The following NCKAP5 variants were observed in gnomAD, a reference collection of about 807,000 sequenced individuals.
NCKAP5 encodes the protein NCK associated protein 5.
A neutral mutation model predicts 167.0 loss-of-function variants in NCKAP5; 92 were observed. The observed-to-expected ratio is 0.55, with a 90% CI of 0.47 to 0.66. The LOEUF (loss-of-function observed/expected upper bound fraction) is 0.66, where lower values mean the gene tolerates loss of function less well. NCKAP5 is among the 30% of genes least tolerant of loss of function. The pLI is 0.00. For missense variants in NCKAP5, 2,378 were observed against 2,315.0 expected, an observed-to-expected ratio of 1.03 and a Z score of -0.56; for synonymous variants, 891 against 877.4, an observed-to-expected ratio of 1.02 and a Z score of -0.27.
chr2:133,195,022 T>A (rs2085378743), intron 5 of NCKAP5, among the ~76,000 whole-genome samples: 1 of 152,170 alleles, frequency 6.6e-6, no homozygotes, highest in South Asian at 2.1e-4. Context: ...TATAAGATGC[T>A]GAGTTTCTCC....
At chr2:133,115,240 G>A (rs985463073) in intron 6 of NCKAP5, among the ~76,000 whole-genome samples, 5 of 152,160 alleles carry the variant, frequency 3.3e-5, no homozygotes, top group Admixed American at 1.3e-4. Context: ...AGCTGTTTTT[G>A]ATTGGTGGAA....
intron 19 of NCKAP5, among the ~76,000 whole-genome samples, chr2:132,694,369 G>A (rs771712943): frequency 9.9e-5 from 15 of 152,218 alleles, no homozygotes; most frequent in East Asian, 3.9e-4. Flanking sequence ...ACATCAGCAC[G>A]CCTGCTGTGC....
At chr2:133,567,241 A>C (rs1188961900) in intron 1 of NCKAP5, among the ~76,000 whole-genome samples, 1 of 152,234 alleles carries the variant, frequency 6.6e-6, no homozygotes, top group Non-Finnish European at 1.5e-5. Context: ...ACTGAGGAGC[A>C]GAGCTGGTAG....
In NCKAP5 at chr2:132,737,497, G is replaced by T. The variant is rs559617262; in HGVS notation, c.5129-5446C>A. Among the ~76,000 whole-genome samples the T allele has an allele frequency of 2.0e-5, 3 of 152,298 alleles. No homozygotes were observed. In the South Asian group the frequency reaches 6.2e-4, roughly 32 times the overall value. ...GACATAAGCAGCCAAGATGGGTGTGGTTCCTTGTGGGATGGTGGCAGAGAA... is the reference window on the plus strand; with the variant it reads ...GACATAAGCAGCCAAGATGGGTGTGTTTCCTTGTGGGATGGTGGCAGAGAA... On this transcript the variant is annotated intron_variant, in intron 16 of 19. Transcript: ENST00000409261.
chr2:132,877,122 TA>T (rs1691341119), intron 9 of NCKAP5, among the ~76,000 whole-genome samples: 1 of 152,190 alleles, frequency 6.6e-6, no homozygotes, highest in South Asian at 2.1e-4. Flanking sequence ...TTTCTTGCCC[TA>T]AACTTTGACT....
intron 3 of NCKAP5, among the ~76,000 whole-genome samples, chr2:133,305,045 A>C (rs1680680910): frequency 1.3e-5 from 2 of 152,170 alleles, no homozygotes; most frequent in South Asian, 4.1e-4. Context: ...CACCATATAC[A>C]AAGGTCCTGA....
intron 11 of NCKAP5, among the ~76,000 whole-genome samples, chr2:132,850,607 T>A (rs1021195699): frequency 6.6e-6 from 1 of 151,982 alleles, no homozygotes; most frequent in Admixed American, 6.6e-5. Flanking sequence ...CTACAAGGTA[T>A]CTGTTTGGGA....
intron 5 of NCKAP5, among the ~76,000 whole-genome samples, chr2:133,181,874 T>C (rs1438078916): frequency 6.6e-6 from 1 of 151,924 alleles, no homozygotes; most frequent in Non-Finnish European, 1.5e-5. Flanking sequence ...TACAAAAAAC[T>C]CACTTAAAAT....
chr2:133,020,041 CAGAAAAT>C, intron 6 of NCKAP5, among the ~76,000 whole-genome samples: 1 of 152,196 alleles, frequency 6.6e-6, no homozygotes, highest in Non-Finnish European at 1.5e-5. Flanking sequence ...ATGTGCTTGT[CAGAAAAT>C]AGTTACTAAA....
chr2:133,091,684 G>A (rs1394290512), intron 6 of NCKAP5, among the ~76,000 whole-genome samples: 1 of 152,090 alleles, frequency 6.6e-6, no homozygotes, highest in Admixed American at 6.5e-5. Flanking sequence ...TCAGGAGATC[G>A]AGACCATCCT....
At chr2:133,466,322 A>G (rs1282382749) in intron 3 of NCKAP5, among the ~76,000 whole-genome samples, 2 of 148,514 alleles carry the variant, frequency 1.3e-5, no homozygotes, top group African/African-American at 5.0e-5. Context: ...ATAGTTGTAG[A>G]TATGCGGCAT....
intron 6 of NCKAP5, among the ~76,000 whole-genome samples, chr2:133,100,344 C>G (rs1390719341): frequency 6.6e-6 from 1 of 152,190 alleles, no homozygotes; most frequent in Non-Finnish European, 1.5e-5. Flanking sequence ...TCTTTTGCTA[C>G]TCTGCATCAA....
At chr2:133,385,066 A>G (rs894317989) in intron 3 of NCKAP5, among the ~76,000 whole-genome samples, 1 of 152,208 alleles carries the variant, frequency 6.6e-6, no homozygotes, top group Non-Finnish European at 1.5e-5. Context: ...TGCCCTGGCC[A>G]GAACTTCCAA....
intron 5 of NCKAP5, among the ~76,000 whole-genome samples, chr2:133,153,755 AAC>A (rs2083463718): frequency 2.8e-5 from 4 of 142,416 alleles, no homozygotes; most frequent in South Asian, 2.2e-4. Context: ...TTCCCCTCCC[AAC>A]ACACCCCTAA....
intron 8 of NCKAP5, among the ~76,000 whole-genome samples, chr2:132,934,120 T>C (rs540034794): frequency 8.5e-5 from 13 of 152,346 alleles, no homozygotes; most frequent in Admixed American, 5.2e-4. Context: ...TATAACTTTA[T>C]GCATAAGTTG....
intron 3 of NCKAP5, among the ~76,000 whole-genome samples, chr2:133,407,552 T>G (rs961977771): frequency 6.6e-6 from 1 of 152,192 alleles, no homozygotes; most frequent in Non-Finnish European, 1.5e-5. Context: ...GCAGGCGCTG[T>G]GCCGGCCACT....
intron 3 of NCKAP5, among the ~76,000 whole-genome samples, chr2:133,498,480 A>AAGGAAGGCAGGCAGGCAGGC (rs1310524686): frequency 2.1e-4 from 21 of 101,804 alleles, no homozygotes; most frequent in African/African-American, 8.8e-4. Flanking sequence ...GGAAGGAAGG[A>AAGGAAGGCAGGCAGGCAGGC]AGGCAGGCAG....
chr2:133,437,521 C>G (rs923724902), intron 3 of NCKAP5, among the ~76,000 whole-genome samples: 2 of 152,096 alleles, frequency 1.3e-5, no homozygotes, highest in African/African-American at 4.8e-5. Flanking sequence ...TAAACTAAAG[C>G]CTTCTTTCTC....
chr2:133,452,206 C>T (rs1477027951), intron 3 of NCKAP5, among the ~76,000 whole-genome samples: 1 of 152,186 alleles, frequency 6.6e-6, no homozygotes, highest in African/African-American at 2.4e-5. Flanking sequence ...AGAAATGTTT[C>T]CCATGTCTGC....
Sources: gnomAD v4.1 joint callset for allele counts (sites outside exome capture counted in the v4.1 genomes callset) on GRCh38, gnomAD v4.1.1 for gene constraint, MANE v1.5 for transcripts, NCBI Gene and HGNC (gene_info 2026-07-23, HGNC 2026-07-21) for gene names.